The following PLEKHM2 variants were observed in gnomAD, a reference collection of about 807,000 sequenced individuals.
PLEKHM2 encodes pleckstrin homology and RUN domain containing M2.
Under a neutral mutation model 116.3 loss-of-function variants are expected in PLEKHM2, and 77 were observed. The observed-to-expected ratio is 0.66, with a 90% confidence interval of 0.55 to 0.80. The LOEUF is 0.80. Among genes scored for constraint, PLEKHM2 ranks in the 30% least tolerant of loss-of-function variants. PLEKHM2 has a pLI of 0.00. For synonymous variants in PLEKHM2, 562 were observed against 571.0 expected (o/e 0.98, Z 0.22); for missense variants, 1,183 against 1,354.9 (o/e 0.87, Z 1.99).
Position 15,719,646 on chromosome 1 carries a change from T to C in PLEKHM2, c.466-88T>C. 6.1e-6 allele frequency: 5 copies of C among 825,976 alleles called. No homozygotes were observed. Among genetic ancestry groups the C allele is most frequent in the Non-Finnish European group, 9.9e-6 (5 of 503,912 alleles). The allele number at this position is 825,976 out of a possible 1,614,324, so 51.2% of individuals were successfully genotyped here. On this transcript the variant is annotated intron_variant, in intron 5 of 19. Coordinates refer to ENST00000375799, the MANE Select transcript of PLEKHM2 (RefSeq NM_015164.4). The surrounding 1 kb of genome is among the most constrained non-coding windows in gnomAD (Gnocchi z 4.1). ...CATTGATTTCCCAAAGAGGCACATC[T>C]GTGTCTCCCAGGCCTGGATCCTGCT...
chr1:15,732,429 A>G lies in PLEKHM2; in HGVS notation c.2705A>G (p.His902Arg). 6.3e-7 allele frequency: 1 copy of G among 1,586,574 alleles called. No homozygotes were observed. The highest frequency in any genetic ancestry group is 8.6e-7 in the Non-Finnish European group (1 of 1,166,816). The change falls in exon 18 of 20, where the codon CAT becomes CGT. Residue 902 changes from histidine (H) to arginine (R), a missense_variant. Transcript: ENST00000375799. Reference protein sequence around the residue: ...VLTDDRLFTCHEDCQTSFFRS... With the variant: ...VLTDDRLFTCREDCQTSFFRS... ...ACGGATGACCGCCTCTTTACGTGCC[A>G]TGAGGATTGCCAGACCAGCTTCTTC...
Position 15,733,806 on chromosome 1 carries a change from C to T in PLEKHM2, c.2932C>T (p.Pro978Ser), listed in dbSNP as rs752362434. 7.4e-6 allele frequency: 12 copies of T among 1,612,950 alleles called. No homozygotes were observed. Among genetic ancestry groups the T allele is most frequent in the Non-Finnish European group, 1.0e-5 (12 of 1,179,754 alleles). The change falls in exon 20 of 20, where the codon CCC (proline) becomes TCC (serine). Residue 978 changes from proline (P) to serine (S), a missense_variant. This residue lies in a region of PLEKHM2 where 594 missense variants were observed against 720.1 expected (regional missense o/e 0.82). Coordinates refer to ENST00000375799, the MANE Select transcript of PLEKHM2 (RefSeq NM_015164.4). ...GWKTIYQVDLPHTAIQEASNK... is the reference protein window; with the variant it reads ...GWKTIYQVDLSHTAIQEASNK... ...GCACGCCCCAACACAGGTGGACCTC[C>T]CCCACACGGCGATCCAGGAAGCCTC...
At chr1:15,685,970 A>G (rs1167760834) in intron 1 of PLEKHM2, among the ~76,000 whole-genome samples, 1 of 152,216 alleles carries the variant, frequency 6.6e-6, no homozygotes, top group Non-Finnish European at 1.5e-5. Flanking sequence ...AGAAAGGAAC[A>G]CAGGTGACCT....
chr1:15,725,894 A>C (rs959754812), intron 8 of PLEKHM2: 1 of 308,470 alleles, frequency 3.2e-6, no homozygotes, highest in East Asian at 7.1e-5. Flanking sequence ...CGGGGAGTGG[A>C]GAGAGAGCTC....
chr1:15,726,012 A>G (rs899750536), intron 8 of PLEKHM2: 2 of 167,386 alleles, frequency 1.2e-5, no homozygotes, highest in African/African-American at 4.8e-5. Flanking sequence ...TTAGGATTTC[A>G]ACACAGGAAT....
chr1:15,731,415 G>A (rs2068141874), intron 16 of PLEKHM2, among the ~76,000 whole-genome samples, 158 bp downstream of exon 16: 1 of 152,164 alleles, frequency 6.6e-6, no homozygotes. Context: ...TCTGAGGGCT[G>A]CAAGGAGCCC....
chr1:15,690,407 C>G (rs1410182115), intron 1 of PLEKHM2, among the ~76,000 whole-genome samples: 1 of 152,174 alleles, frequency 6.6e-6, no homozygotes, highest in East Asian at 1.9e-4. Context: ...CCAACTTTTT[C>G]TTAAAAGGCC....
At position 15,732,544 on chromosome 1, in the gene PLEKHM2, G is replaced by A. The variant is rs1425766581; in HGVS notation, c.2805+15G>A. On this transcript the variant is annotated intron_variant, in intron 18 of 19. Coordinates refer to ENST00000375799, the MANE Select transcript of PLEKHM2 (RefSeq NM_015164.4). Reference sequence around the variant, plus strand: ...ACTGCGTCTTGGTGAGCTTTGAGTGGGGGCGGGGCTGCAAGGCCTGCAGAA... The same window carrying A: ...ACTGCGTCTTGGTGAGCTTTGAGTGAGGGCGGGGCTGCAAGGCCTGCAGAA... The A allele has an allele frequency of 1.2e-6, 2 of 1,607,896 alleles. No homozygotes were observed. Among genetic ancestry groups the A allele is most frequent in the Non-Finnish European group, 1.7e-6 (2 of 1,177,304 alleles).
chr1:15,698,374 T>C (rs1641041119), intron 1 of PLEKHM2, among the ~76,000 whole-genome samples: 1 of 151,916 alleles, frequency 6.6e-6, no homozygotes, highest in Non-Finnish European at 1.5e-5. Context: ...TGGCTAATTT[T>C]TTAGTATTTT....
At chr1:15,718,017 C>T (rs1176500173) in intron 4 of PLEKHM2, 25 bp downstream of exon 4, 4 of 1,445,970 alleles carry the variant, frequency 2.8e-6, no homozygotes, top group Non-Finnish European at 3.8e-6. Context: ...CGGTCTGTCT[C>T]CCCTAGCCTC....
rs773200356 is a variant in PLEKHM2 at position 15,732,664 on chromosome 1, G to C, written c.2858G>C (p.Ser953Thr). Residue 953 changes from serine (S) to threonine (T), a missense_variant, in exon 19 of 20, where the codon AGC becomes ACC. Ser to Thr is a moderately conservative substitution (Grantham distance 58). This residue lies in a region of PLEKHM2 where 594 missense variants were observed against 720.1 expected (regional missense o/e 0.82). Coordinates refer to ENST00000375799, the MANE Select transcript of PLEKHM2 (RefSeq NM_015164.4). ...QLLPPWVIYL[S>T]CTSELDRLLS... Reference sequence around the variant, plus strand: ...CTCCCGCCCTGGGTCATCTACCTGAGCTGCACTTCTGAACTGGACCGATTG... The same window carrying C: ...CTCCCGCCCTGGGTCATCTACCTGACCTGCACTTCTGAACTGGACCGATTG... 3.1e-6 allele frequency: 5 copies of C among 1,610,568 alleles called. No individual in the cohort carries two copies. The highest frequency in any genetic ancestry group is 8.5e-7 in the Non-Finnish European group (1 of 1,178,544).
chr1:15,718,619 G>A lies in PLEKHM2; in HGVS notation c.459G>A (p.Leu153=). Residue 153 remains leucine, a synonymous_variant, in exon 5 of 20, where the codon CTG becomes CTA. Coordinates refer to ENST00000375799, the MANE Select transcript of PLEKHM2 (RefSeq NM_015164.4). The part of the protein sequence containing the change: ...VSGLEFIRFE[L]DLDAPYLDLA... ...GGCTAGAGTTCATTCGTTTCGAGCT[G>A]GATCTGGTGAGACACCAGGGCTCTC... The A allele has an allele frequency of 6.6e-7, 1 of 1,510,700 alleles. No individual in the cohort carries two copies. Among genetic ancestry groups the A allele is most frequent in the Non-Finnish European group, 8.9e-7 (1 of 1,118,516 alleles). The allele number at this position is 1,510,700 out of a possible 1,614,324, so 93.6% of individuals were successfully genotyped here. A position where few individuals can be genotyped will look rare whatever the true frequency, so the allele number is the denominator to read the frequency against.
chr1:15,689,544 G>A (rs935807638), intron 1 of PLEKHM2, among the ~76,000 whole-genome samples: 18 of 152,178 alleles, frequency 1.2e-4, no homozygotes, highest in African/African-American at 3.6e-4. Context: ...TCTCGATCCT[G>A]GCAGATGACT....
intron 1 of PLEKHM2, among the ~76,000 whole-genome samples, chr1:15,685,540 T>TAAAAA (rs1640750075): frequency 2.7e-5 from 1 of 36,532 alleles, no homozygotes; most frequent in Non-Finnish European, 5.6e-5. Context: ...TCTCAGAAAC[T>TAAAAA]GAAAAAAAAA....
chr1:15,682,344 GGGAGGCTGA>G (rs1640663020), upstream of PLEKHM2, among the ~76,000 whole-genome samples: 1 of 151,976 alleles, frequency 6.6e-6, no homozygotes, highest in African/African-American at 2.4e-5. Flanking sequence ...CCAGCTACTG[GGGAGGCTGA>G]GACAGGAGAA....
At chr1:15,698,529 TTTTCTTTCTTTC>T (rs1343574961) in intron 1 of PLEKHM2, among the ~76,000 whole-genome samples, 1 of 146,840 alleles carries the variant, frequency 6.8e-6, no homozygotes, top group African/African-American at 2.6e-5. Flanking sequence ...TTTTCTTTCT[TTTTCTTTCTTTC>T]TTTCTTTCTT....
At chr1:15,701,043 G>A (rs1037992972) in intron 1 of PLEKHM2, among the ~76,000 whole-genome samples, 14 of 150,770 alleles carry the variant, frequency 9.3e-5, no homozygotes, top group Middle Eastern at 3.4e-3. Flanking sequence ...AACCCAGGAG[G>A]CGGAGGTTGC....
Position 15,716,783 on chromosome 1 carries a change from G to A in PLEKHM2, c.244G>A (p.Val82Met), listed in dbSNP as rs113205071. The A allele has an allele frequency of 6.4e-7, 1 of 1,573,448 alleles. No individual in the cohort carries two copies. The highest frequency in any genetic ancestry group is 8.6e-7 in the Non-Finnish European group (1 of 1,159,360). Residue 82 changes from valine (V) to methionine (M), a missense_variant, in exon 3 of 20, where the codon GTG becomes ATG. Physicochemically the swap from Val to Met is conservative, Grantham distance 21 (BLOSUM62 1). This residue lies in a region of PLEKHM2 where 217 missense variants were observed against 277.6 expected (regional missense o/e 0.78). Transcript: ENST00000375799. Reference sequence around the variant, plus strand: ...GAGAGAGGCCATCAAGCAGATCGAGGTGCTGCAGCACGTGGCCACCAACCT... The same window carrying A: ...GAGAGAGGCCATCAAGCAGATCGAGATGCTGCAGCACGTGGCCACCAACCT... ...TRREAIKQIE[V>M]LQHVATNLGR...
rs376019969 is a variant in PLEKHM2 at position 15,728,042 on chromosome 1, T to G, written c.1761-37T>G. The G allele has an allele frequency of 1.3e-5, 21 of 1,555,638 alleles. No homozygotes were observed. The African/African-American group carries it at 2.6e-4, about 19-fold the overall frequency. On this transcript the variant is annotated intron_variant, in intron 9 of 19. Coordinates refer to ENST00000375799, the MANE Select transcript of PLEKHM2 (RefSeq NM_015164.4). The surrounding 1 kb of genome is among the most constrained non-coding windows in gnomAD (Gnocchi z 5.9). ...GGGTGTGGCCTCTCTCACCGCTGCC[T>G]GCCTGACATCTCGCCCTCCTGACTT...
Sources: gnomAD v4.1 joint callset for allele counts (sites outside exome capture counted in the v4.1 genomes callset) on GRCh38, gnomAD v4.1.1 for gene constraint, gnomAD v4.1.1 regional missense constraint, Gnocchi (gnomAD v3.1) non-coding constraint, MANE v1.5 for transcripts, NCBI Gene and HGNC (gene_info 2026-07-23, HGNC 2026-07-21) for gene names.